IQCM: variants seen among roughly 807,000 people sequenced by gnomAD.
IQCM encodes IQ motif containing M.
A neutral mutation model predicts 57.6 loss-of-function variants in IQCM; 45 were observed. The ratio of observed to expected loss-of-function variants is 0.78; its 90% CI spans 0.62 to 1.00. IQCM has a LOEUF of 1.00. Ranked by LOEUF, IQCM falls within the 50% of genes least tolerant of loss-of-function variation. IQCM has a pLI of 0.00. For synonymous variants in IQCM, 148 were observed against 158.9 expected (o/e 0.93, Z 0.51); for missense variants, 468 against 511.6 (o/e 0.91, Z 0.82).
intron 12 of IQCM, among the ~76,000 whole-genome samples, chr4:149,488,605 A>G (rs1741769998): frequency 6.6e-6 from 1 of 152,148 alleles, no homozygotes; most frequent in African/African-American, 2.4e-5. Flanking sequence ...ATTACAGACT[A>G]CATTGAAAAG....
intron 2 of IQCM, among the ~76,000 whole-genome samples, chr4:149,753,575 A>G (rs769967339): frequency 2.6e-5 from 4 of 151,990 alleles, no homozygotes; most frequent in Non-Finnish European, 4.4e-5. Context: ...ATGAAAAGAT[A>G]TAAAGGAGGG....
rs150274779 is a variant in IQCM, at chr4:149,717,907, C to T, written c.385+15337G>A. 7.1e-3 allele frequency among the ~76,000 whole-genome samples: 1,082 copies of T among 152,270 alleles called. 10 individuals are homozygous for T. Among genetic ancestry groups the T allele is most frequent in the African/African-American group, 0.022 (928 of 41,556 alleles). ...CCTTTCCTAAACCCTCCAAAAGGTACGTAAACCTCATGCTATTGGCAAATC... is the reference window on the plus strand; with the variant it reads ...CCTTTCCTAAACCCTCCAAAAGGTATGTAAACCTCATGCTATTGGCAAATC... On this transcript the variant is annotated intron_variant, in intron 5 of 13. Coordinates refer to ENST00000636793, the MANE Select transcript of IQCM (RefSeq NM_001363507.2).
At chr4:149,456,220 T>G (rs542237402) in intron 12 of IQCM, among the ~76,000 whole-genome samples, 1 of 152,124 alleles carries the variant, frequency 6.6e-6, no homozygotes, top group South Asian at 2.1e-4. Context: ...TATGATTTCA[T>G]GGTAATAAAC....
At chr4:149,802,692 A>G (rs1773712410) in intron 2 of IQCM, among the ~76,000 whole-genome samples, 1 of 152,050 alleles carries the variant, frequency 6.6e-6, no homozygotes, top group African/African-American at 2.4e-5. Flanking sequence ...TGACAAATGT[A>G]TTTGAGAAAT....
chr4:149,789,926 G>C (rs945544539), intron 2 of IQCM: 11 of 210,356 alleles, frequency 5.2e-5, no homozygotes, highest in Non-Finnish European at 2.8e-5. Flanking sequence ...AGGCAAAAAG[G>C]CAAAGACTTT....
chr4:149,386,151 G>A (rs1224579141), intron 13 of IQCM, among the ~76,000 whole-genome samples: 1 of 152,028 alleles, frequency 6.6e-6, no homozygotes, highest in Non-Finnish European at 1.5e-5. Flanking sequence ...ATGTGAGTTT[G>A]TGCACCTGTA....
intron 2 of IQCM, among the ~76,000 whole-genome samples, chr4:149,804,205 A>T (rs1057076082): frequency 2.6e-5 from 4 of 152,022 alleles, no homozygotes; most frequent in Non-Finnish European, 5.9e-5. Context: ...ATTTCAAAAC[A>T]GTTACTTTCT....
intron 7 of IQCM, among the ~76,000 whole-genome samples, chr4:149,677,634 A>G (rs922899922): frequency 6.6e-6 from 1 of 152,066 alleles, no homozygotes; most frequent in East Asian, 1.9e-4. Context: ...GTACATCCAC[A>G]AGTAACAACC....
chr4:149,733,196 GT>G (rs1766622717), intron 5 of IQCM, 47 bp downstream of exon 5: 3 of 1,221,932 alleles, frequency 2.5e-6, no homozygotes, highest in Non-Finnish European at 3.1e-6. Context: ...GAAACAAATA[GT>G]TTTGTCCGTG....
At chr4:149,367,175 T>C (rs908504295) in intron 13 of IQCM, among the ~76,000 whole-genome samples, 1 of 151,998 alleles carries the variant, frequency 6.6e-6, no homozygotes, top group African/African-American at 2.4e-5. Context: ...ATTTCAGAAA[T>C]GTTTACAGCA....
intron 2 of IQCM, among the ~76,000 whole-genome samples, chr4:149,808,533 ATATC>A (rs1774282635): frequency 6.6e-6 from 1 of 152,184 alleles, no homozygotes; most frequent in Non-Finnish European, 1.5e-5. Context: ...AGTTTTCAAA[ATATC>A]TAGAAGAGAA....
intron 2 of IQCM, among the ~76,000 whole-genome samples, chr4:149,775,038 G>T (rs1037555707): frequency 4.0e-4 from 25 of 62,202 alleles, no homozygotes; most frequent in Admixed American, 6.2e-4. Flanking sequence ...AGTTCTTTTT[G>T]CCAAAAAAAA....
At chr4:149,553,048 C>A in intron 11 of IQCM, 95 bp downstream of exon 11, 5 of 902,126 alleles carry the variant, frequency 5.5e-6, no homozygotes, top group Non-Finnish European at 7.3e-6. Flanking sequence ...AACATATAAT[C>A]TACCTTTGCT....
At chr4:149,437,334 T>G (rs1735459361) in intron 12 of IQCM, among the ~76,000 whole-genome samples, 1 of 152,108 alleles carries the variant, frequency 6.6e-6, no homozygotes, top group East Asian at 1.9e-4. Context: ...GGTTTACTGA[T>G]GTTAGTCTTC....
At chr4:149,360,838 G>A (rs187547917) in intron 13 of IQCM, among the ~76,000 whole-genome samples, 2 of 152,286 alleles carry the variant, frequency 1.3e-5, no homozygotes, top group Admixed American at 1.3e-4. Flanking sequence ...GCAGAGTGGG[G>A]CATTGTTGAA....
chr4:149,389,830 C>A (rs2111079184), intron 13 of IQCM, among the ~76,000 whole-genome samples: 1 of 151,610 alleles, frequency 6.6e-6, no homozygotes, highest in African/African-American at 2.4e-5. Flanking sequence ...ACATTGTGCA[C>A]ATGTACCCTA....
intron 5 of IQCM, among the ~76,000 whole-genome samples, chr4:149,702,599 A>G (rs938603235): frequency 1.3e-5 from 2 of 151,926 alleles, no homozygotes; most frequent in Non-Finnish European, 2.9e-5. Flanking sequence ...GTTTGTTTCA[A>G]TACAAATAGA....
intron 9 of IQCM, 78 bp from the exon 10 acceptor site, chr4:149,563,968 GATGAATACATTGAAATAGGAAATA>G: frequency 1.4e-5 from 9 of 621,058 alleles, no homozygotes; most frequent in Non-Finnish European, 1.6e-5. Flanking sequence ...TTATTTCAAT[GATGAATACATTGAAATAGGAAATA>G]TATTATAACT....
At chr4:149,400,367 C>A (rs1184192597) in intron 13 of IQCM, among the ~76,000 whole-genome samples, 1 of 151,854 alleles carries the variant, frequency 6.6e-6, no homozygotes, top group Admixed American at 6.6e-5. Flanking sequence ...AAAATAGGGA[C>A]AATGTGAGTG....
Sources: gnomAD v4.1 joint callset for allele counts (sites outside exome capture counted in the v4.1 genomes callset) on GRCh38, gnomAD v4.1.1 for gene constraint, MANE v1.5 for transcripts, NCBI Gene and HGNC (gene_info 2026-07-23, HGNC 2026-07-21) for gene names.